ADGRB3: variants seen among roughly 807,000 people sequenced by gnomAD.
ADGRB3 encodes the protein adhesion G protein-coupled receptor B3.
Under a neutral mutation model 193.4 loss-of-function variants are expected in ADGRB3, and 37 were observed. That is an observed-to-expected ratio of 0.19 (90% CI 0.15 to 0.25). ADGRB3 has a LOEUF of 0.25. ADGRB3 is among the 10% of genes least tolerant of loss of function. The probability of loss-of-function intolerance (pLI) is 1.00; values close to 1 mark genes in which losing one functional copy is unlikely to be tolerated. For missense variants in ADGRB3, 1,637 were observed against 1,852.9 expected (o/e 0.88, Z 2.14); for synonymous variants, 690 against 644.2 (o/e 1.07, Z -1.08).
intron 8 of ADGRB3, among the ~76,000 whole-genome samples, chr6:68,961,183 A>C (rs1768221824): frequency 6.6e-6 from 1 of 152,196 alleles, no homozygotes; most frequent in Non-Finnish European, 1.5e-5. Context: ...AAATAGGACT[A>C]TTAACTAGCT....
chr6:69,005,501 T>G (rs1278018585), intron 11 of ADGRB3, among the ~76,000 whole-genome samples: 1 of 152,170 alleles, frequency 6.6e-6, no homozygotes, highest in Non-Finnish European at 1.5e-5. Flanking sequence ...GTTTTCACAA[T>G]GAGTCAGAGC....
chr6:68,753,609 T>C (rs944109834), intron 3 of ADGRB3, among the ~76,000 whole-genome samples: 1 of 152,164 alleles, frequency 6.6e-6, no homozygotes, highest in Admixed American at 6.6e-5. Context: ...AGGTGTGTTC[T>C]TTAATAGAGA....
At chr6:68,903,075 C>T (rs1218614484) in intron 3 of ADGRB3, among the ~76,000 whole-genome samples, 1 of 152,138 alleles carries the variant, frequency 6.6e-6, no homozygotes, top group African/African-American at 2.4e-5. Context: ...GTTTAATAAA[C>T]TAGCTGGTCC....
chr6:68,958,632 C>G (rs1331324746), intron 8 of ADGRB3, among the ~76,000 whole-genome samples: 1 of 151,856 alleles, frequency 6.6e-6, no homozygotes, highest in Non-Finnish European at 1.5e-5. Context: ...GGCTTGTTTG[C>G]TGGCTTTCAT....
At chr6:69,272,899 T>TTTTTG (rs1767211489) in intron 20 of ADGRB3, among the ~76,000 whole-genome samples, 2 of 152,110 alleles carry the variant, frequency 1.3e-5, no homozygotes, top group African/African-American at 2.4e-5. Flanking sequence ...TTTATTACCA[T>TTTTTG]TTTTGTTTTG....
chr6:68,728,012 A>C (rs1396510086), intron 3 of ADGRB3, among the ~76,000 whole-genome samples: 2 of 151,570 alleles, frequency 1.3e-5, no homozygotes, highest in East Asian at 3.9e-4. Context: ...CTTCTGTTTT[A>C]TTTTATCTAG....
In ADGRB3 at chr6:68,827,334, A is replaced by G. The variant is rs1767863747; in HGVS notation, c.758-103225A>G. On this transcript the variant is annotated intron_variant, in intron 3 of 31. Transcript: ENST00000370598. ...AAAAAGGGCAGGAAAGGCTCAATGG[A>G]GTAGGTTCAGGAGATAATGGGAAGA... 2.0e-5 allele frequency among the ~76,000 whole-genome samples: 3 copies of G among 152,126 alleles called. No homozygotes were observed. In the South Asian group the frequency reaches 6.2e-4, roughly 32 times the overall value.
At chr6:69,066,244 A>G (rs1179303484) in intron 16 of ADGRB3, among the ~76,000 whole-genome samples, 3 of 151,638 alleles carry the variant, frequency 2.0e-5, no homozygotes, top group Non-Finnish European at 2.9e-5. Context: ...GTTGCCTTCA[A>G]ATTTTTTTAG....
chr6:68,652,006 GA>G (rs1314812126), intron 3 of ADGRB3, among the ~76,000 whole-genome samples: 1 of 151,876 alleles, frequency 6.6e-6, no homozygotes, highest in Non-Finnish European at 1.5e-5. Flanking sequence ...ATTTATCTAG[GA>G]TCCTATGGCC....
At chr6:68,662,871 A>G (rs1341869445) in intron 3 of ADGRB3, among the ~76,000 whole-genome samples, 1 of 151,164 alleles carries the variant, frequency 6.6e-6, no homozygotes, top group African/African-American at 2.4e-5. Context: ...TTCTAAGGAA[A>G]ATGGGAAGAC....
rs7757138 is a variant in ADGRB3, at chr6:68,956,628, T to C, written c.1361-17T>C. ...TGTGGTAGATGACTGACATTGACCA[T>C]GAAACATTTCTTTCAGCCAATGGTC... On this transcript the variant is annotated splice_polypyrimidine_tract_variant and intron_variant, in intron 7 of 31. Coordinates refer to ENST00000370598, the MANE Select transcript of ADGRB3 (RefSeq NM_001704.3). 447,008 of 1,612,856 alleles carry C rather than the reference T, an allele frequency of 0.28. 65,369 individuals are homozygous for C. The highest frequency in any genetic ancestry group is 0.4 in the Middle Eastern group (2,413 of 6,032).
intron 17 of ADGRB3, among the ~76,000 whole-genome samples, chr6:69,147,931 A>G (rs766124605): frequency 7.9e-5 from 12 of 152,056 alleles, no homozygotes; most frequent in Non-Finnish European, 1.5e-4. Context: ...CTTGAAATCT[A>G]TTTTGTTTGA....
rs1770163735 is a variant in ADGRB3 at position 69,018,536 on chromosome 6, A to AT, written c.2107+38dup. 8 of 1,436,618 alleles carry AT rather than the reference A, an allele frequency of 5.6e-6. No individual in the cohort carries two copies. In the East Asian group the frequency reaches 1.8e-4, roughly 33 times the overall value. The allele number at this position is 1,436,618 out of a possible 1,614,324, so 89.0% of individuals were successfully genotyped here. On this transcript the variant is annotated intron_variant, in intron 13 of 31. Coordinates refer to ENST00000370598, the MANE Select transcript of ADGRB3 (RefSeq NM_001704.3). ...GATTTTCCCCCAAAATCTTTCTGAA[A>AT]TAAAAAAAAATTGCAAGTATCTACA... is the stretch of plus-strand genomic sequence containing the variant.
chr6:69,271,132 G>A (rs1012708098), intron 20 of ADGRB3, among the ~76,000 whole-genome samples: 2 of 152,098 alleles, frequency 1.3e-5, no homozygotes, highest in African/African-American at 4.8e-5. Flanking sequence ...GCCATAGGAT[G>A]GAATAACTGT....
intron 24 of ADGRB3, 31 bp downstream of exon 24, chr6:69,333,039 A>G: frequency 1.9e-6 from 3 of 1,602,512 alleles, no homozygotes; most frequent in East Asian, 2.2e-5. Flanking sequence ...TTTGAAGGTT[A>G]TTTATCAGTG....
intron 19 of ADGRB3, among the ~76,000 whole-genome samples, chr6:69,238,428 T>G (rs1156475534): frequency 2.0e-5 from 3 of 152,094 alleles, no homozygotes; most frequent in Non-Finnish European, 2.9e-5. Context: ...TATAACAGAC[T>G]GTATATAAAC....
At chr6:69,295,394 C>T (rs960098391) in intron 20 of ADGRB3, among the ~76,000 whole-genome samples, 2 of 152,018 alleles carry the variant, frequency 1.3e-5, no homozygotes, top group East Asian at 1.9e-4. Flanking sequence ...AAATGGGCAT[C>T]CTGCTTCCCC....
chr6:69,186,828 A>AT (rs1319796411), intron 17 of ADGRB3, among the ~76,000 whole-genome samples: 2 of 151,720 alleles, frequency 1.3e-5, no homozygotes, highest in Non-Finnish European at 2.9e-5. Context: ...GTGCGCATAC[A>AT]TTTTTTTAAA....
Position 69,042,814 on chromosome 6 carries a change from A to C in ADGRB3, c.2108-5371A>C, listed in dbSNP as rs150980207. On this transcript the variant is annotated intron_variant, in intron 13 of 31. Coordinates refer to ENST00000370598, the MANE Select transcript of ADGRB3 (RefSeq NM_001704.3). ...TGTAAGTTGTTCCCTCTGTATCAACATGAAAAATGATGCAAACTTCAAATA... is the reference window on the plus strand; with the variant it reads ...TGTAAGTTGTTCCCTCTGTATCAACCTGAAAAATGATGCAAACTTCAAATA... Among the ~76,000 whole-genome samples, 27 of 152,368 alleles carry C rather than the reference A, an allele frequency of 1.8e-4. No individual in the cohort carries two copies. The East Asian group carries it at 5.0e-3, about 28-fold the overall frequency.
Sources: allele counts gnomAD v4.1 joint callset (sites outside exome capture counted in the v4.1 genomes callset), GRCh38; gene constraint gnomAD v4.1.1; transcripts MANE v1.5; gene names NCBI Gene and HGNC (gene_info 2026-07-23, HGNC 2026-07-21).